Variants in MYO9A observed in about 807,000 individuals in gnomAD.
MYO9A encodes myosin IXA.
Under a neutral mutation model 293.3 loss-of-function variants are expected in MYO9A, and 103 were observed. The ratio of observed to expected loss-of-function variants is 0.35; its 90% confidence interval spans 0.30 to 0.41. The LOEUF is 0.41. Among genes scored for constraint, MYO9A ranks in the 10% least tolerant of loss-of-function variants. MYO9A has a pLI of 1.00. For synonymous variants in MYO9A, 1,001 were observed against 1,035.7 expected, an observed-to-expected ratio of 0.97 and a Z score of 0.64; for missense variants, 2,685 against 3,033.0, an observed-to-expected ratio of 0.89 and a Z score of 2.69.
At position 72,108,652 on chromosome 15, in the gene MYO9A, G is replaced by A; in HGVS notation, c.-72+9028C>T. On this transcript the variant is annotated intron_variant, in intron 1 of 41. Transcript: ENST00000356056. ...AAATATAAATTCAATATTAAATTAG[G>A]GTATTATTTTTCCTAGGTGTTGGTA... Among the ~76,000 whole-genome samples the A allele has an allele frequency of 1.3e-5, 2 of 151,924 alleles. 1 individual carries two copies. The highest frequency in any genetic ancestry group is 1.3e-4 in the Admixed American group (2 of 15,246).
intron 7 of MYO9A, among the ~76,000 whole-genome samples, chr15:72,008,220 T>C (rs888407637): frequency 1.3e-5 from 2 of 152,166 alleles, no homozygotes; most frequent in Non-Finnish European, 2.9e-5. Flanking sequence ...TGTCACAGTG[T>C]TTACAGTGTT....
At chr15:72,064,903 G>A (rs2078974243) in intron 1 of MYO9A, among the ~76,000 whole-genome samples, 2 of 152,068 alleles carry the variant, frequency 1.3e-5, no homozygotes, top group South Asian at 4.1e-4. Context: ...GAATAGCCAA[G>A]ACAATCTTAA....
chr15:71,848,584 G>A (rs546151624), intron 39 of MYO9A, among the ~76,000 whole-genome samples: 1 of 152,188 alleles, frequency 6.6e-6, no homozygotes, highest in East Asian at 1.9e-4. Flanking sequence ...AGAAAGCAAG[G>A]CAGATTATTA....
At chr15:72,043,356 T>C (rs541140576) in intron 2 of MYO9A, among the ~76,000 whole-genome samples, 2 of 152,292 alleles carry the variant, frequency 1.3e-5, no homozygotes, top group Middle Eastern at 3.4e-3. Context: ...AGTCATTACA[T>C]TGCTAGATAT....
chr15:71,982,239 C>A (rs540186987), intron 11 of MYO9A, among the ~76,000 whole-genome samples: 4 of 151,798 alleles, frequency 2.6e-5, no homozygotes, highest in Non-Finnish European at 5.9e-5. Flanking sequence ...CCAGGATGGT[C>A]TCGATATCCT....
chr15:72,045,912 C>A lies in MYO9A; in HGVS notation c.652G>T (p.Val218Leu). 1 of 1,614,148 alleles carries A rather than the reference C, an allele frequency of 6.2e-7. No individual in the cohort carries two copies. Among genetic ancestry groups the A allele is most frequent in the Non-Finnish European group, 8.5e-7 (1 of 1,180,032 alleles). ...ATGGCATGATAAGCTACATCAGCCA[C>A]AGCATAAATGTGGGGCTCAAGTTTT... ...LGKLEPHIYA[V>L]ADVAYHAMLQ... Residue 218 changes from valine (V) to leucine (L), a missense_variant, in exon 2 of 42, where the codon GTG (valine) becomes TTG (leucine). By Grantham distance (32) the Val-to-Leu change is conservative. Around this residue, in one of 10 missense-constraint regions of MYO9A, gnomAD observed 289 missense variants for 456.8 expected, o/e 0.63. Coordinates refer to ENST00000356056, the MANE Select transcript of MYO9A (RefSeq NM_006901.4).
At chr15:72,090,295 T>C (rs540665844) in intron 1 of MYO9A, among the ~76,000 whole-genome samples, 9 of 152,314 alleles carry the variant, frequency 5.9e-5, no homozygotes, top group African/African-American at 1.9e-4. Context: ...TATATCTTTT[T>C]AAACAAAGTA....
intron 1 of MYO9A, chr15:72,114,208 A>G (rs1447165120): frequency 1.3e-5 from 2 of 152,130 alleles, no homozygotes; most frequent in East Asian, 1.9e-4. Context: ...AGGTAACTTG[A>G]GTCTCTTCCC....
intron 16 of MYO9A, among the ~76,000 whole-genome samples, chr15:71,935,857 T>G (rs1340071486): frequency 1.3e-5 from 2 of 152,000 alleles, no homozygotes; most frequent in East Asian, 3.9e-4. Context: ...CCTAATACAC[T>G]ATCCCATCCT....
chr15:72,115,538 T>C (rs1291680654), intron 1 of MYO9A, among the ~76,000 whole-genome samples: 2 of 152,146 alleles, frequency 1.3e-5, no homozygotes, highest in South Asian at 4.1e-4. Flanking sequence ...CCAACTCAAC[T>C]CCGAATATCC....
intron 4 of MYO9A, 48 bp downstream of exon 4, chr15:72,027,683 G>C: frequency 7.1e-7 from 1 of 1,413,296 alleles, no homozygotes; most frequent in Non-Finnish European, 9.9e-7. Flanking sequence ...GTCAGTCTGC[G>C]TGATACAAAT....
At chr15:72,107,869 C>T (rs1430897344) in intron 1 of MYO9A, among the ~76,000 whole-genome samples, 2 of 150,140 alleles carry the variant, frequency 1.3e-5, no homozygotes, top group African/African-American at 4.9e-5. Context: ...ACCTCATTTG[C>T]TACTATTGTA....
intron 6 of MYO9A, among the ~76,000 whole-genome samples, chr15:72,017,025 T>C (rs2077362333): frequency 7.0e-6 from 1 of 143,242 alleles, no homozygotes; most frequent in Admixed American, 7.1e-5. Flanking sequence ...TTTTTTTTTT[T>C]TTTTTTTTTT....
intron 15 of MYO9A, among the ~76,000 whole-genome samples, chr15:71,949,970 T>A (rs900124987): frequency 1.3e-5 from 2 of 152,168 alleles, no homozygotes. Context: ...TTTTCCCTAC[T>A]TTCTGCCTAC....
intron 8 of MYO9A, among the ~76,000 whole-genome samples, chr15:72,003,977 G>A (rs2076947117): frequency 6.6e-6 from 1 of 152,112 alleles, no homozygotes; most frequent in Non-Finnish European, 1.5e-5. Flanking sequence ...CATTTCATGA[G>A]TTCTCTTTAC....
intron 27 of MYO9A, among the ~76,000 whole-genome samples, chr15:71,887,480 A>G (rs1343931893): frequency 6.6e-6 from 1 of 152,100 alleles, no homozygotes; most frequent in African/African-American, 2.4e-5. Flanking sequence ...GACAGTGTAG[A>G]CCTTTATTAG....
rs191741005 is a variant in MYO9A, at chr15:71,840,733, C to T, written c.6837+8112G>A. ...CAAGCTCTGCCTCTGGGGTTCACGC[C>T]ATTCTTCTGCCTCAGCCTCCTGAGT... On this transcript the variant is annotated intron_variant, in intron 39 of 41. Coordinates refer to ENST00000356056, the MANE Select transcript of MYO9A (RefSeq NM_006901.4). Among the ~76,000 whole-genome samples the T allele has an allele frequency of 1.1e-4, 16 of 152,208 alleles. No individual in the cohort carries two copies. In the East Asian group the frequency reaches 3.1e-3, roughly 29 times the overall value.
intron 11 of MYO9A, among the ~76,000 whole-genome samples, chr15:71,990,512 T>C (rs995845434): frequency 9.9e-5 from 15 of 152,048 alleles, no homozygotes; most frequent in Non-Finnish European, 1.3e-4. Context: ...TCCCAGCACT[T>C]TGGGAGGCTG....
At chr15:71,949,880 G>GC (rs1170433810) in intron 15 of MYO9A, among the ~76,000 whole-genome samples, 2 of 151,944 alleles carry the variant, frequency 1.3e-5, no homozygotes, top group Non-Finnish European at 2.9e-5. Context: ...CTGAAACTAT[G>GC]CAAGTTAGGA....
Sources: gnomAD v4.1 joint callset for allele counts (sites outside exome capture counted in the v4.1 genomes callset) on GRCh38, gnomAD v4.1.1 for gene constraint, gnomAD v4.1.1 regional missense constraint, MANE v1.5 for transcripts, NCBI Gene and HGNC (gene_info 2026-07-23, HGNC 2026-07-21) for gene names.